The following PCCA variants were observed in gnomAD, a reference collection of about 807,000 sequenced individuals.
PCCA encodes the protein propionyl-CoA carboxylase alpha chain, mitochondrial.
PCCA carries 74 observed loss-of-function variants against 101.3 expected under a neutral mutation model. The observed-to-expected ratio is 0.73, with a 90% CI of 0.61 to 0.89. PCCA has a LOEUF of 0.89. Among genes scored for constraint, PCCA ranks in the 40% least tolerant of loss-of-function variants. The pLI is 0.00. For synonymous variants in PCCA, 294 were observed against 313.6 expected (o/e 0.94, Z 0.66); for missense variants, 891 against 907.0 (o/e 0.98, Z 0.23).
In PCCA at chr13:100,357,676, G is replaced by A. The variant is rs556401326; in HGVS notation, c.1644-10796G>A. Reference sequence around the variant, plus strand: ...AGGCTGTCGATGTACAACCAAATACGACCCCTAAAAGAAGAAAACTACACC... The same window carrying A: ...AGGCTGTCGATGTACAACCAAATACAACCCCTAAAAGAAGAAAACTACACC... On this transcript the variant is annotated intron_variant, in intron 18 of 23. Transcript: ENST00000376285. 2.0e-5 allele frequency among the ~76,000 whole-genome samples: 3 copies of A among 152,200 alleles called. No homozygotes were observed. The East Asian group carries it at 5.8e-4, about 29-fold the overall frequency.
At chr13:100,148,654 A>C (rs923100523) in intron 4 of PCCA, among the ~76,000 whole-genome samples, 2 of 152,116 alleles carry the variant, frequency 1.3e-5, no homozygotes, top group African/African-American at 4.8e-5. Context: ...CTGTATCGTC[A>C]GGAATGCATG....
chr13:100,497,935 C>A (rs2085390207), intron 21 of PCCA, among the ~76,000 whole-genome samples: 1 of 151,898 alleles, frequency 6.6e-6, no homozygotes, highest in African/African-American at 2.4e-5. Flanking sequence ...GTGGCAGGAT[C>A]ATAACTTACT....
At chr13:100,146,107 T>G (rs1356322388) in intron 4 of PCCA, among the ~76,000 whole-genome samples, 1 of 150,250 alleles carries the variant, frequency 6.7e-6, no homozygotes, top group Non-Finnish European at 1.5e-5. Context: ...ACTCGGCTAA[T>G]TTTTTGTATT....
At chr13:100,111,530 C>A (rs550464893) in intron 2 of PCCA, among the ~76,000 whole-genome samples, 1 of 152,214 alleles carries the variant, frequency 6.6e-6, no homozygotes, top group East Asian at 1.9e-4. Context: ...TATGTAGATA[C>A]CCCCATTGTG....
chr13:100,121,175 T>TAA, intron 4 of PCCA, among the ~76,000 whole-genome samples: 1 of 105,950 alleles, frequency 9.4e-6, no homozygotes, highest in Non-Finnish European at 1.8e-5. Context: ...TTTTTTTTTT[T>TAA]TTAAAGATGG....
chr13:100,526,090 G>A (rs983353417), intron 22 of PCCA, among the ~76,000 whole-genome samples: 1 of 152,154 alleles, frequency 6.6e-6, no homozygotes, highest in African/African-American at 2.4e-5. Flanking sequence ...CAGGTGTGCT[G>A]CAGTGAACTG....
At chr13:100,204,687 A>G (rs990321382) in intron 6 of PCCA, among the ~76,000 whole-genome samples, 6 of 152,118 alleles carry the variant, frequency 3.9e-5, no homozygotes, top group Admixed American at 2.0e-4. Flanking sequence ...CTCAAACCCA[A>G]CCCTTTCCCC....
chr13:100,104,915 G>T (rs2047614778), intron 2 of PCCA, among the ~76,000 whole-genome samples: 1 of 151,952 alleles, frequency 6.6e-6, no homozygotes, highest in South Asian at 2.1e-4. Context: ...TGTTGGGCAG[G>T]CTGGTCTCGA....
rs1460109846 is a variant in PCCA at position 100,469,175 on chromosome 13, C to CAT, written c.1899+19871_1899+19872insTA. On this transcript the variant is annotated intron_variant, in intron 21 of 23. Coordinates refer to ENST00000376285, the MANE Select transcript of PCCA (RefSeq NM_000282.4). ...GTGGTGAGCAAAGATTGCGCCATTG[C>CAT]ACTCCAGCCTGGGCAACAAGAGTGA... is the stretch of plus-strand genomic sequence containing the variant. Among the ~76,000 whole-genome samples the CAT allele has an allele frequency of 2.3e-4, 29 of 126,332 alleles. 2 individuals are homozygous for CAT. The South Asian group carries it at 7.6e-3, about 33-fold the overall frequency. 82.9% of individuals were successfully genotyped at this position (126,332 alleles called of 152,430 possible).
At chr13:100,403,099 T>A (rs758927255) in intron 19 of PCCA, among the ~76,000 whole-genome samples, 34 of 151,956 alleles carry the variant, frequency 2.2e-4, no homozygotes, top group Non-Finnish European at 4.9e-4. Flanking sequence ...AACTGGTCTA[T>A]CGAAGTGAAT....
At chr13:100,254,906 A>AC (rs1237187918) in intron 8 of PCCA, among the ~76,000 whole-genome samples, 2 of 149,080 alleles carry the variant, frequency 1.3e-5, no homozygotes, top group Non-Finnish European at 3.0e-5. Flanking sequence ...ATATAATGAG[A>AC]CCCCCATCTT....
intron 21 of PCCA, among the ~76,000 whole-genome samples, chr13:100,484,595 T>TC (rs1032617476): frequency 6.6e-6 from 1 of 152,090 alleles, no homozygotes; most frequent in Non-Finnish European, 1.5e-5. Flanking sequence ...TTTTCTTTTT[T>TC]CCCCCCTGTA....
chr13:100,529,355 G>A (rs746257558), intron 23 of PCCA, among the ~76,000 whole-genome samples: 23 of 152,166 alleles, frequency 1.5e-4, no homozygotes, highest in Non-Finnish European at 3.4e-4. Flanking sequence ...TGCAGTGGCC[G>A]ATGAGTTCTA....
intron 12 of PCCA, among the ~76,000 whole-genome samples, chr13:100,277,974 TA>T: frequency 6.6e-6 from 1 of 152,250 alleles, no homozygotes; most frequent in Non-Finnish European, 1.5e-5. Flanking sequence ...ATTTTGAGAC[TA>T]GTATTGTAAA....
chr13:100,251,483 T>G (rs2061749815), intron 8 of PCCA, among the ~76,000 whole-genome samples: 1 of 152,222 alleles, frequency 6.6e-6, no homozygotes, highest in Non-Finnish European at 1.5e-5. Flanking sequence ...TTAGGCAGTT[T>G]CAGCCACTGC....
intron 4 of PCCA, among the ~76,000 whole-genome samples, chr13:100,126,184 C>A (rs1474855507): frequency 6.6e-6 from 1 of 152,052 alleles, no homozygotes; most frequent in Non-Finnish European, 1.5e-5. Context: ...CTGAATTCAG[C>A]CATTGTTTGC....
At chr13:100,492,632 C>G (rs2152982433) in intron 21 of PCCA, among the ~76,000 whole-genome samples, 1 of 151,696 alleles carries the variant, frequency 6.6e-6, no homozygotes, top group African/African-American at 2.4e-5. Flanking sequence ...ATCCGGAGCC[C>G]TAAATGGGAA....
At chr13:100,246,153 A>G (rs1224406747) in intron 8 of PCCA, among the ~76,000 whole-genome samples, 1 of 152,186 alleles carries the variant, frequency 6.6e-6, no homozygotes, top group Non-Finnish European at 1.5e-5. Context: ...CTTTTGGTTG[A>G]CAATACTTAC....
At chr13:100,442,596 T>A (rs944536438) in intron 20 of PCCA, among the ~76,000 whole-genome samples, 2 of 152,176 alleles carry the variant, frequency 1.3e-5, no homozygotes, top group Admixed American at 1.3e-4. Context: ...GAACGCCCAG[T>A]ATGGCCTAGG....
Sources: allele counts gnomAD v4.1 joint callset (sites outside exome capture counted in the v4.1 genomes callset), GRCh38; gene constraint gnomAD v4.1.1; transcripts MANE v1.5; gene names NCBI Gene and HGNC (gene_info 2026-07-23, HGNC 2026-07-21).